Variants in DNAAF5 observed in about 807,000 individuals in gnomAD.
DNAAF5 encodes the protein HEAT repeat containing 2.
Under a neutral mutation model 75.8 loss-of-function variants are expected in DNAAF5, and 64 were observed. That is an observed-to-expected ratio of 0.84 (90% CI 0.69 to 1.04). The LOEUF (loss-of-function observed/expected upper bound fraction) is 1.04. Ranked by LOEUF, DNAAF5 falls within the 50% of genes least tolerant of loss-of-function variation. DNAAF5 has a pLI of 0.00. For synonymous variants in DNAAF5, 657 were observed against 557.2 expected, an observed-to-expected ratio of 1.18 and a Z score of -2.52; for missense variants, 1,269 against 1,178.5, an observed-to-expected ratio of 1.08 and a Z score of -1.12.
intron 7 of DNAAF5, 56 bp downstream of exon 7, chr7:761,952 C>T: frequency 6.9e-7 from 1 of 1,442,278 alleles, no homozygotes; most frequent in African/African-American, 1.5e-5. Flanking sequence ...AGCTGGAAGG[C>T]ATCTCTAAGT....
intron 9 of DNAAF5, 72 bp downstream of exon 9, chr7:770,690 A>C: frequency 6.9e-7 from 1 of 1,445,068 alleles, no homozygotes; most frequent in Non-Finnish European, 9.5e-7. Context: ...TCCCTCCCCA[A>C]CAGCTCACTG....
At chr7:772,132 A>C (rs547813243) in intron 9 of DNAAF5, 11 of 152,256 alleles carry the variant, frequency 7.2e-5, no homozygotes, top group African/African-American at 2.4e-4. Flanking sequence ...GCGGGTGCCC[A>C]AGAGGGCTGA....
chr7:764,501 C>T (rs990985099), intron 8 of DNAAF5, among the ~76,000 whole-genome samples: 1 of 152,222 alleles, frequency 6.6e-6, no homozygotes, highest in African/African-American at 2.4e-5. Flanking sequence ...TGCCTTGGGA[C>T]ACACGGCCCG....
intron 8 of DNAAF5, among the ~76,000 whole-genome samples, chr7:767,256 AG>A (rs142658041): frequency 6.8e-6 from 1 of 147,250 alleles, no homozygotes. Flanking sequence ...AAAAAAAAAA[AG>A]ACTGTAGGGT....
At position 756,848 on chromosome 7, in the gene DNAAF5, T is replaced by C; in HGVS notation, c.1324T>C (p.Ser442Pro). ...SPEVFLKLIL[S>P]TLKKTPSASG... Reference sequence around the variant, plus strand: ...TGAGGTGTTTCTGAAGCTGATCTTATCGACGCTGAAGAAGACGCCCTCTGC... The same window carrying C: ...TGAGGTGTTTCTGAAGCTGATCTTACCGACGCTGAAGAAGACGCCCTCTGC... The change falls in exon 6 of 13, where the codon TCG becomes CCG. Residue 442 changes from serine (S) to proline (P), a missense_variant. Transcript: ENST00000297440. 2 of 1,614,004 alleles carry C rather than the reference T, an allele frequency of 1.2e-6. No homozygotes were observed. Among genetic ancestry groups the C allele is most frequent in the South Asian group, 1.1e-5 (1 of 91,078 alleles).
At position 775,166 on chromosome 7, in the gene DNAAF5, G is replaced by A. The variant is rs1778718909; in HGVS notation, c.2239+4G>A. 2 of 1,613,836 alleles carry A rather than the reference G, an allele frequency of 1.2e-6. No homozygotes were observed. Among genetic ancestry groups the A allele is most frequent in the Admixed American group, 3.3e-5 (2 of 60,006 alleles). ...AAACTCATCAGGATTTATCCTGGTA[G>A]GACATTTCTGTTGTTCACAGCCTGT... On this transcript the variant is annotated splice_donor_region_variant and intron_variant, in intron 11 of 12. Coordinates refer to ENST00000297440, the MANE Select transcript of DNAAF5 (RefSeq NM_017802.4).
At chr7:760,977 A>G (rs1782625273) in intron 6 of DNAAF5, among the ~76,000 whole-genome samples, 1 of 152,250 alleles carries the variant, frequency 6.6e-6, no homozygotes, top group African/African-American at 2.4e-5. Context: ...AGCCCTTGGC[A>G]TGCGTGTTCT....
chr7:727,243 C>T lies in DNAAF5; in HGVS notation c.523C>T (p.Leu175=). 4 of 1,349,738 alleles carry T rather than the reference C, an allele frequency of 3.0e-6. No individual in the cohort carries two copies. Among genetic ancestry groups the T allele is most frequent in the Non-Finnish European group, 3.8e-6 (4 of 1,053,730 alleles). The allele number at this position is 1,349,738 out of a possible 1,614,324, so 83.6% of individuals were successfully genotyped here. A position where few individuals can be genotyped will look rare whatever the true frequency, so the allele number is the denominator to read the frequency against. The change falls in exon 1 of 13, where the codon CTG becomes TTG. Residue 175 remains leucine, a synonymous_variant. Transcript: ENST00000297440. The part of the protein sequence containing the change: ...DDALRALRCS[L]LDPFAAVRRE... The stretch of plus-strand genomic sequence containing the variant: ...CGCTCTGCGCGCGCTGCGCTGCTCC[C>T]TGCTCGACCCCTTCGCCGCCGTGCG...
chr7:751,684 C>T (rs1782300164), intron 4 of DNAAF5, among the ~76,000 whole-genome samples: 1 of 150,460 alleles, frequency 6.6e-6, no homozygotes, highest in African/African-American at 2.4e-5. Flanking sequence ...AGTGATTCTG[C>T]TGCCTCAGCC....
chr7:780,429 G>A (rs1170669740), intron 12 of DNAAF5, among the ~76,000 whole-genome samples: 1 of 152,212 alleles, frequency 6.6e-6, no homozygotes, highest in East Asian at 1.9e-4. Flanking sequence ...TGACACAGAT[G>A]GCTTGTGTTT....
At chr7:741,211 T>C (rs1012030812) in intron 3 of DNAAF5, 136 bp from the exon 4 acceptor site, 25 of 715,592 alleles carry the variant, frequency 3.5e-5, no homozygotes, top group Non-Finnish European at 4.9e-5. Flanking sequence ...GAATTTCTGG[T>C]CCACCTTTTC....
At chr7:783,114 C>G (rs574082186) in intron 12 of DNAAF5, among the ~76,000 whole-genome samples, 10 of 152,366 alleles carry the variant, frequency 6.6e-5, no homozygotes, top group African/African-American at 2.4e-4. Context: ...GTCGGTTGTT[C>G]TGGGAGTGAG....
chr7:769,316 C>G, intron 8 of DNAAF5: 1 of 656,100 alleles, frequency 1.5e-6, no homozygotes, highest in South Asian at 1.6e-5. Context: ...GCCTTCAGCT[C>G]CTGGGCCTGC....
At chr7:776,435 G>A (rs1222715544) in intron 11 of DNAAF5, among the ~76,000 whole-genome samples, 4 of 152,188 alleles carry the variant, frequency 2.6e-5, no homozygotes, top group East Asian at 3.8e-4. Context: ...CAAATTAAAC[G>A]GCACAGCAAG....
intron 10 of DNAAF5, 101 bp downstream of exon 10, chr7:774,299 G>A (rs1778680205): frequency 1.6e-6 from 2 of 1,246,772 alleles, no homozygotes; most frequent in South Asian, 3.0e-5. Flanking sequence ...GCAGGCAGCA[G>A]CTGCACCTCC....
intron 8 of DNAAF5, chr7:768,361 T>C (rs1583510224): frequency 7.5e-6 from 1 of 134,064 alleles, no homozygotes; most frequent in African/African-American, 3.0e-5. Flanking sequence ...CTGGCGGAAG[T>C]GTCTGTGCTG....
At chr7:749,144 C>G (rs1782211925) in intron 4 of DNAAF5, among the ~76,000 whole-genome samples, 1 of 152,202 alleles carries the variant, frequency 6.6e-6, no homozygotes, top group African/African-American at 2.4e-5. Flanking sequence ...GAGGGCACCA[C>G]TTACCGTCCT....
intron 2 of DNAAF5, among the ~76,000 whole-genome samples, chr7:731,483 A>G (rs977291844): frequency 3.3e-5 from 5 of 152,210 alleles, no homozygotes; most frequent in African/African-American, 7.2e-5. Flanking sequence ...TATAAATGCT[A>G]TAACTGTATT....
chr7:728,642 G>A (rs921665632), intron 1 of DNAAF5, among the ~76,000 whole-genome samples: 1 of 152,202 alleles, frequency 6.6e-6, no homozygotes, highest in African/African-American at 2.4e-5. Context: ...TCCCTACCCA[G>A]TCTGTACATC....
Sources: gnomAD v4.1 joint callset for allele counts (sites outside exome capture counted in the v4.1 genomes callset) on GRCh38, gnomAD v4.1.1 for gene constraint, MANE v1.5 for transcripts, NCBI Gene and HGNC (gene_info 2026-07-23, HGNC 2026-07-21) for gene names.